DMXL1: variants seen among roughly 807,000 people sequenced by gnomAD.
DMXL1 encodes the protein dmX-like protein 1.
Under a neutral mutation model 319.2 loss-of-function variants are expected in DMXL1, and 99 were observed. That is an observed-to-expected ratio of 0.31 (90% CI 0.26 to 0.37). The LOEUF (loss-of-function observed/expected upper bound fraction) is 0.37, where lower values mean the gene tolerates loss of function less well. Ranked by LOEUF, DMXL1 falls within the 10% of genes least tolerant of loss-of-function variation. The pLI, the probability that DMXL1 is intolerant of heterozygous loss-of-function variation, is 1.00. For missense variants in DMXL1, 3,745 were observed against 3,595.6 expected (o/e 1.04, Z -1.06); for synonymous variants, 1,385 against 1,235.2 (o/e 1.12, Z -2.54).
At chr5:119,120,066 A>T (rs909063268) in intron 8 of DMXL1, among the ~76,000 whole-genome samples, 1 of 151,618 alleles carries the variant, frequency 6.6e-6, no homozygotes. Flanking sequence ...TTTAAAGTGG[A>T]GATGGGGTTT....
At chr5:119,122,123 G>C (rs1214492625) in intron 9 of DMXL1, among the ~76,000 whole-genome samples, 1 of 141,578 alleles carries the variant, frequency 7.1e-6, no homozygotes, top group Admixed American at 6.8e-5. Flanking sequence ...CGGGGCGGCT[G>C]GCCGGGCGGG....
chr5:119,102,967 T>C (rs1435259940), intron 3 of DMXL1, among the ~76,000 whole-genome samples: 1 of 152,038 alleles, frequency 6.6e-6, no homozygotes, highest in Non-Finnish European at 1.5e-5. Context: ...AAGATAACTA[T>C]TGGGTACTGG....
chr5:119,188,952 A>G (rs1455003811), intron 28 of DMXL1, among the ~76,000 whole-genome samples: 1 of 152,190 alleles, frequency 6.6e-6, no homozygotes, highest in Non-Finnish European at 1.5e-5. Flanking sequence ...TTAATGTGGA[A>G]TTCTTTGCCT....
intron 9 of DMXL1, chr5:119,127,600 G>C (rs972558668): frequency 6.1e-6 from 1 of 164,642 alleles, no homozygotes; most frequent in African/African-American, 2.4e-5. Context: ...CACCATGCCT[G>C]GCTAATTTTT....
chr5:119,156,247 C>G (rs566677051), intron 19 of DMXL1, among the ~76,000 whole-genome samples: 5 of 152,298 alleles, frequency 3.3e-5, no homozygotes, highest in African/African-American at 1.2e-4. Flanking sequence ...GCTTAAGGCT[C>G]AGGTGATTGT....
At chr5:119,171,380 C>T (rs753663581) in intron 24 of DMXL1, 100 bp downstream of exon 24, 12 of 1,253,972 alleles carry the variant, frequency 9.6e-6, no homozygotes, top group Admixed American at 2.6e-5. Context: ...TTCTTTATTA[C>T]GGTTGCTTTA....
chr5:119,085,762 A>G (rs1192017901), intron 1 of DMXL1, among the ~76,000 whole-genome samples: 2 of 152,170 alleles, frequency 1.3e-5, no homozygotes, highest in Non-Finnish European at 2.9e-5. Flanking sequence ...TTCTTGTTCC[A>G]TATCTTAGAG....
rs1267318372 is a variant in DMXL1 at position 119,221,033 on chromosome 5, C to T, written c.8229C>T (p.Ile2743=). 6.2e-7 allele frequency: 1 copy of T among 1,613,804 alleles called. No individual in the cohort carries two copies. The highest frequency in any genetic ancestry group is 1.1e-5 in the South Asian group (1 of 91,074). The change falls in exon 37 of 44, where the codon ATC becomes ATT. Residue 2743 remains isoleucine (I), a synonymous_variant. Coordinates refer to ENST00000539542, the MANE Select transcript of DMXL1 (RefSeq NM_001290321.3). ...CACATAGCAATCCTGGCACTCCAAT[C>T]AACATGCCATGGCTTGGTAGTACAC... is the stretch of plus-strand genomic sequence containing the variant. ...PYTHSNPGTP[I]NMPWLGSTQT...
chr5:119,111,098 T>C (rs1051675966), intron 5 of DMXL1, among the ~76,000 whole-genome samples: 1 of 152,150 alleles, frequency 6.6e-6, no homozygotes, highest in Non-Finnish European at 1.5e-5. Flanking sequence ...CTTAAGATAG[T>C]CTTTTATAGC....
intron 29 of DMXL1, among the ~76,000 whole-genome samples, chr5:119,192,172 C>G (rs1196097793): frequency 6.6e-6 from 1 of 152,126 alleles, no homozygotes; most frequent in Non-Finnish European, 1.5e-5. Context: ...TAAAATCAGA[C>G]AAAACTTTTT....
chr5:119,129,876 T>A (rs1764431710), intron 10 of DMXL1, among the ~76,000 whole-genome samples: 1 of 152,078 alleles, frequency 6.6e-6, no homozygotes, highest in South Asian at 2.1e-4. Context: ...AGAGAGAGAG[T>A]TAGAGAGAAA....
chr5:119,151,983 A>G lies in DMXL1; in HGVS notation c.4649A>G (p.His1550Arg), dbSNP rs756570471. 2 of 1,613,292 alleles carry G rather than the reference A, an allele frequency of 1.2e-6. No individual in the cohort carries two copies. The highest frequency in any genetic ancestry group is 1.7e-6 in the Non-Finnish European group (2 of 1,179,576). The change falls in exon 19 of 44, where the codon CAT becomes CGT. Residue 1550 changes from histidine to arginine, a missense_variant. This residue lies in a region of DMXL1 where 2,096 missense variants were observed against 1,985.4 expected (regional missense o/e 1.06). Transcript: ENST00000539542. ...GLKFLLAVRL[H>R]TFLTTSLPAY... ...AAATTTCTTTTGGCTGTTCGACTCCATACCTTTCTTACAACTTCCCTTCCA... is the reference window on the plus strand; with the variant it reads ...AAATTTCTTTTGGCTGTTCGACTCCGTACCTTTCTTACAACTTCCCTTCCA...
chr5:119,191,869 T>G (rs1778756102), intron 29 of DMXL1, among the ~76,000 whole-genome samples: 1 of 152,240 alleles, frequency 6.6e-6, no homozygotes, highest in Non-Finnish European at 1.5e-5. Flanking sequence ...TCTTACTGTT[T>G]TACCCAGATC....
At position 119,171,748 on chromosome 5, in the gene DMXL1, G is replaced by T. The variant is rs772051025; in HGVS notation, c.6490-30G>T. 5 of 1,560,982 alleles carry T rather than the reference G, an allele frequency of 3.2e-6. No homozygotes were observed. The South Asian group carries it at 6.0e-5, about 19-fold the overall frequency. Reference sequence around the variant, plus strand: ...AATGGTTTGTAACTGTAAATAGTTGGTTAACCTTTTATCCCTCTTTGTTTT... The same window carrying T: ...AATGGTTTGTAACTGTAAATAGTTGTTTAACCTTTTATCCCTCTTTGTTTT... On this transcript the variant is annotated intron_variant, in intron 24 of 43. Coordinates refer to ENST00000539542, the MANE Select transcript of DMXL1 (RefSeq NM_001290321.3).
intron 28 of DMXL1, among the ~76,000 whole-genome samples, chr5:119,180,404 A>AGT (rs914051469): frequency 1.2e-4 from 18 of 151,848 alleles, no homozygotes; most frequent in African/African-American, 4.4e-4. Flanking sequence ...TTCTCCAGAA[A>AGT]CCTGATACCA....
chr5:119,134,917 T>C (rs1354700033), intron 13 of DMXL1, among the ~76,000 whole-genome samples: 3 of 152,214 alleles, frequency 2.0e-5, no homozygotes, highest in Non-Finnish European at 2.9e-5. Context: ...GTTTCCACTT[T>C]TCTGGTTTTG....
intron 1 of DMXL1, among the ~76,000 whole-genome samples, chr5:119,073,166 C>T (rs1254293463): frequency 6.6e-6 from 1 of 152,144 alleles, no homozygotes; most frequent in African/African-American, 2.4e-5. Flanking sequence ...CGGCACAAGC[C>T]GTCCTTCCAC....
At chr5:119,110,890 G>A (rs558387098) in intron 5 of DMXL1, among the ~76,000 whole-genome samples, 2 of 152,220 alleles carry the variant, frequency 1.3e-5, no homozygotes, top group African/African-American at 2.4e-5. Context: ...CCTGGTTCAA[G>A]CAATTCTCCT....
intron 1 of DMXL1, among the ~76,000 whole-genome samples, chr5:119,077,787 GTA>G (rs1554081000): frequency 7.2e-4 from 98 of 136,782 alleles, no homozygotes; most frequent in African/African-American, 2.2e-3. Context: ...GTGTGTGTGT[GTA>G]TATCTGTACT....
Sources: allele counts gnomAD v4.1 joint callset (sites outside exome capture counted in the v4.1 genomes callset), GRCh38; gene constraint gnomAD v4.1.1; regional missense constraint gnomAD v4.1.1; transcripts MANE v1.5; gene names NCBI Gene and HGNC (gene_info 2026-07-23, HGNC 2026-07-21).